CSMD1: variants seen among roughly 807,000 people sequenced by gnomAD.
The protein encoded by CSMD1 is CUB and sushi domain-containing protein 1.
In CSMD1, 213 loss-of-function variants were observed where a neutral mutation model predicts 417.5. The ratio of observed to expected loss-of-function variants is 0.51; its 90% CI spans 0.46 to 0.57. The LOEUF is 0.57. Ranked by LOEUF, CSMD1 falls within the 20% of genes least tolerant of loss-of-function variation. The pLI, the probability that CSMD1 is intolerant of heterozygous loss-of-function variation, is 0.00. For missense variants in CSMD1, 6,923 were observed against 4,529.7 expected, an observed-to-expected ratio of 1.53 and a Z score of -15.17; for synonymous variants, 2,862 against 1,736.8, an observed-to-expected ratio of 1.65 and a Z score of -16.11.
At position 4,094,203 on chromosome 8, in the gene CSMD1, G is replaced by A. The variant is rs1021903734; in HGVS notation, c.416-62104C>T. Reference sequence around the variant, plus strand: ...ACTCTTTGGAGCCAAACCTGGGTGTGAGCTTGGCTGCACTAGCTGCCCTCG... The same window carrying A: ...ACTCTTTGGAGCCAAACCTGGGTGTAAGCTTGGCTGCACTAGCTGCCCTCG... On this transcript the variant is annotated intron_variant, in intron 3 of 69. Transcript: ENST00000635120. Among the ~76,000 whole-genome samples, 5 of 152,148 alleles carry A rather than the reference G, an allele frequency of 3.3e-5. No individual in the cohort carries two copies. The East Asian group carries it at 5.9e-4, about 18-fold the overall frequency.
intron 1 of CSMD1, among the ~76,000 whole-genome samples, chr8:4,958,078 A>G (rs1356319384): frequency 6.6e-6 from 1 of 152,194 alleles, no homozygotes; most frequent in Non-Finnish European, 1.5e-5. Flanking sequence ...CATGTATTTG[A>G]GTGTTCATAA....
Position 4,432,523 on chromosome 8 carries a change from G to C in CSMD1, c.303-12458C>G, listed in dbSNP as rs150025885. Among the ~76,000 whole-genome samples, 664 of 152,252 alleles carry C rather than the reference G, an allele frequency of 4.4e-3. 7 individuals are homozygous for C. The highest frequency in any genetic ancestry group is 0.016 in the African/African-American group (649 of 41,560). Reference sequence around the variant, plus strand: ...AACTGCTGGTAAATGCTCGGAGTGTGAAAACACTGTATTCTCACAACATCC... The same window carrying C: ...AACTGCTGGTAAATGCTCGGAGTGTCAAAACACTGTATTCTCACAACATCC... On this transcript the variant is annotated intron_variant, in intron 2 of 69. Transcript: ENST00000635120.
intron 5 of CSMD1, among the ~76,000 whole-genome samples, chr8:3,769,119 G>C (rs920893261): frequency 2.6e-5 from 4 of 152,172 alleles, no homozygotes; most frequent in South Asian, 2.1e-4. Flanking sequence ...TTCCTTATTA[G>C]TTACTATACA....
intron 3 of CSMD1, among the ~76,000 whole-genome samples, chr8:4,047,042 G>T (rs570283275): frequency 6.6e-6 from 1 of 152,248 alleles, no homozygotes; most frequent in East Asian, 1.9e-4. Context: ...GGGAACACCT[G>T]GAGTCCAAAT....
chr8:3,725,620 G>A lies in CSMD1; in HGVS notation c.932-17129C>T, dbSNP rs75366002. Reference sequence around the variant, plus strand: ...GGCTTAGGAGAGAGAAGGTTTCAGGGAAGGAGTGATGTCCAAGCAACAGGA... The same window carrying A: ...GGCTTAGGAGAGAGAAGGTTTCAGGAAAGGAGTGATGTCCAAGCAACAGGA... On this transcript the variant is annotated intron_variant, in intron 6 of 69. Coordinates refer to ENST00000635120, the MANE Select transcript of CSMD1 (RefSeq NM_033225.6). 3.0e-4 allele frequency among the ~76,000 whole-genome samples: 45 copies of A among 152,218 alleles called. 2 individuals carry two copies. In the East Asian group the frequency reaches 8.3e-3, roughly 28 times the overall value.
chr8:4,363,873 G>A (rs745842186), intron 3 of CSMD1, among the ~76,000 whole-genome samples: 1 of 152,172 alleles, frequency 6.6e-6, no homozygotes, highest in Non-Finnish European at 1.5e-5. Context: ...CATGGACATA[G>A]AGAGTAAAGG....
rs1181012857 is a variant in CSMD1 at position 3,290,466 on chromosome 8, A to G, written c.3951-6120T>C. On this transcript the variant is annotated intron_variant, in intron 25 of 69. Coordinates refer to ENST00000635120, the MANE Select transcript of CSMD1 (RefSeq NM_033225.6). ...GATTCTTCCTACCTATGAGCATGGAATGTTCTTCCATTTGTTTGTATCCTT... is the reference window on the plus strand; with the variant it reads ...GATTCTTCCTACCTATGAGCATGGAGTGTTCTTCCATTTGTTTGTATCCTT... 1.8e-4 allele frequency among the ~76,000 whole-genome samples: 22 copies of G among 120,268 alleles called. 4 individuals are homozygous for G. The highest frequency in any genetic ancestry group is 7.9e-4 in the African/African-American group (22 of 27,828). 78.9% of individuals were successfully genotyped at this position (120,268 alleles called of 152,430 possible).
chr8:4,296,168 G>C (rs1286504976), intron 3 of CSMD1, among the ~76,000 whole-genome samples: 1 of 152,086 alleles, frequency 6.6e-6, no homozygotes, highest in Non-Finnish European at 1.5e-5. Context: ...ACTATGCTCA[G>C]GGTCTCCCTC....
intron 3 of CSMD1, among the ~76,000 whole-genome samples, chr8:4,077,299 A>ATATATATATATG (rs1799875755): frequency 1.5e-5 from 1 of 66,124 alleles, no homozygotes; most frequent in African/African-American, 4.2e-5. Flanking sequence ...ATATATGTGT[A>ATATATATATATG]TATATATATA....
At chr8:3,130,546 A>C (rs1817739733) in intron 41 of CSMD1, among the ~76,000 whole-genome samples, 1 of 152,094 alleles carries the variant, frequency 6.6e-6, no homozygotes, top group Admixed American at 6.5e-5. Context: ...AACAACCTGA[A>C]TGCGTCACAG....
chr8:4,215,646 T>A (rs573714075), intron 3 of CSMD1, among the ~76,000 whole-genome samples: 80 of 152,284 alleles, frequency 5.3e-4, no homozygotes, highest in Non-Finnish European at 8.5e-4. Context: ...CATACAAGAA[T>A]TGAAAATAAT....
At chr8:3,400,011 A>G (rs953103499) in intron 15 of CSMD1, among the ~76,000 whole-genome samples, 2 of 152,222 alleles carry the variant, frequency 1.3e-5, no homozygotes, top group African/African-American at 4.8e-5. Flanking sequence ...CACATGCAAC[A>G]TATTATTTGT....
chr8:4,401,376 G>C (rs1224425421), intron 3 of CSMD1, among the ~76,000 whole-genome samples: 2 of 152,126 alleles, frequency 1.3e-5, no homozygotes, highest in East Asian at 3.9e-4. Context: ...ATTCACCAAA[G>C]AGGTGTATCA....
chr8:3,864,010 A>G (rs1804908928), intron 5 of CSMD1, among the ~76,000 whole-genome samples: 1 of 152,188 alleles, frequency 6.6e-6, no homozygotes, highest in Non-Finnish European at 1.5e-5. Flanking sequence ...TAAGGCAGAA[A>G]CAAACAGTAA....
At chr8:4,317,772 A>G (rs1027957863) in intron 3 of CSMD1, among the ~76,000 whole-genome samples, 1 of 152,144 alleles carries the variant, frequency 6.6e-6, no homozygotes, top group Admixed American at 6.6e-5. Context: ...ACTGCCCCAG[A>G]AGTTTTCTTT....
chr8:3,571,448 G>T (rs563011832), intron 10 of CSMD1, among the ~76,000 whole-genome samples: 9 of 152,294 alleles, frequency 5.9e-5, no homozygotes, highest in Non-Finnish European at 1.2e-4. Flanking sequence ...TGCAGTAGAG[G>T]CATTGTTAGT....
rs1360153619 is a variant in CSMD1 at position 2,942,506 on chromosome 8, A to C, written c.10501T>G (p.Leu3501Val). The C allele has an allele frequency of 6.2e-7, 1 of 1,613,074 alleles. No individual in the cohort carries two copies. The highest frequency in any genetic ancestry group is 2.2e-5 in the East Asian group (1 of 44,842). Residue 3501 changes from leucine to valine, a missense_variant, in exon 69 of 70, where the codon TTA (leucine) becomes GTA (valine). Coordinates refer to ENST00000635120, the MANE Select transcript of CSMD1 (RefSeq NM_033225.6). ...TAGAGGTAAAATGCAAACCCTGATA[A>C]AATTAGAGCAAAGAAAGGAACCAGA... is the stretch of plus-strand genomic sequence containing the variant. Reference protein sequence around the residue: ...AILVPFFALILSGFAFYLYKH... With the variant: ...AILVPFFALIVSGFAFYLYKH...
chr8:3,593,018 T>A (rs1347750385), intron 8 of CSMD1, among the ~76,000 whole-genome samples: 2 of 152,102 alleles, frequency 1.3e-5, no homozygotes, highest in Admixed American at 1.3e-4. Context: ...GGCCTGTGCT[T>A]GGATATAGGC....
intron 3 of CSMD1, among the ~76,000 whole-genome samples, chr8:4,295,141 A>G (rs1797591613): frequency 7.3e-6 from 1 of 136,798 alleles, no homozygotes; most frequent in Admixed American, 7.6e-5. Context: ...AGATTATATA[A>G]TCTTAAGATT....
Sources: gnomAD v4.1 joint callset for allele counts (sites outside exome capture counted in the v4.1 genomes callset) on GRCh38, gnomAD v4.1.1 for gene constraint, MANE v1.5 for transcripts, NCBI Gene and HGNC (gene_info 2026-07-23, HGNC 2026-07-21) for gene names.